Variants in AP3S1 observed in about 807,000 individuals in gnomAD.
AP3S1 encodes the protein AP-3 complex subunit sigma-1.
A neutral mutation model predicts 21.3 loss-of-function variants in AP3S1; 12 were observed. The observed-to-expected ratio is 0.56, with a 90% confidence interval of 0.36 to 0.91. AP3S1 has a LOEUF of 0.91. Ranked by LOEUF, AP3S1 falls within the 40% of genes least tolerant of loss-of-function variation. AP3S1 has a pLI of 0.01. For synonymous variants in AP3S1, 48 were observed against 78.4 expected, an observed-to-expected ratio of 0.61 and a Z score of 2.05; for missense variants, 116 against 225.0, an observed-to-expected ratio of 0.52 and a Z score of 3.10.
intron 4 of AP3S1, among the ~76,000 whole-genome samples, 187 bp downstream of exon 4, chr5:115,895,345 C>A (rs1272815511): frequency 6.6e-6 from 1 of 151,972 alleles, no homozygotes; most frequent in Non-Finnish European, 1.5e-5. Context: ...TAGAGGAGTT[C>A]ACATCGAAGG....
In AP3S1 at chr5:115,858,411, G is replaced by A. The variant is rs528107715; in HGVS notation, c.70-8259G>A. On this transcript the variant is annotated intron_variant, in intron 1 of 5. Coordinates refer to ENST00000316788, the MANE Select transcript of AP3S1 (RefSeq NM_001284.4). Reference sequence around the variant, plus strand: ...GCAGTTCTGATTACTTACCTTTGATGTGTGATCATTTATACCTTCCAAAAA... The same window carrying A: ...GCAGTTCTGATTACTTACCTTTGATATGTGATCATTTATACCTTCCAAAAA... Among the ~76,000 whole-genome samples, 129 of 152,218 alleles carry A rather than the reference G, an allele frequency of 8.5e-4. 2 individuals carry two copies. The highest frequency in any genetic ancestry group is 3.0e-3 in the African/African-American group (124 of 41,536).
chr5:115,873,054 G>A (rs1399053214), intron 3 of AP3S1, among the ~76,000 whole-genome samples: 1 of 152,154 alleles, frequency 6.6e-6, no homozygotes, highest in Non-Finnish European at 1.5e-5. Flanking sequence ...GAAGAGAAAT[G>A]TTGCTATTAA....
intron 1 of AP3S1, among the ~76,000 whole-genome samples, chr5:115,863,499 G>A (rs1401710964): frequency 6.6e-6 from 1 of 152,126 alleles, no homozygotes; most frequent in East Asian, 1.9e-4. Context: ...CTTGAACCCT[G>A]GAGGTGGGTT....
At chr5:115,885,323 T>C (rs1749685361) in intron 3 of AP3S1, among the ~76,000 whole-genome samples, 1 of 152,108 alleles carries the variant, frequency 6.6e-6, no homozygotes, top group Non-Finnish European at 1.5e-5. Flanking sequence ...AGTGGCTCAG[T>C]CCGAGTCCAA....
intron 3 of AP3S1, among the ~76,000 whole-genome samples, chr5:115,891,619 A>C (rs958155687): frequency 4.6e-5 from 7 of 152,152 alleles, no homozygotes; most frequent in Non-Finnish European, 8.8e-5. Context: ...GAGAACCTCT[A>C]CTAGGGCAGT....
At chr5:115,885,515 A>G (rs958248829) in intron 3 of AP3S1, among the ~76,000 whole-genome samples, 2 of 152,204 alleles carry the variant, frequency 1.3e-5, no homozygotes, top group African/African-American at 2.4e-5. Flanking sequence ...TGAAAGCCAG[A>G]AGACTCAGCA....
intron 3 of AP3S1, among the ~76,000 whole-genome samples, chr5:115,880,677 T>C (rs1343583490): frequency 1.2e-4 from 18 of 152,176 alleles, no homozygotes; most frequent in Non-Finnish European, 2.9e-5. Context: ...GTATATTCTG[T>C]TGATTTGGGG....
chr5:115,868,947 A>AGGGAGGGAGGGAGGGAGGG (rs1747960222), intron 2 of AP3S1, among the ~76,000 whole-genome samples: 2 of 52,902 alleles, frequency 3.8e-5, no homozygotes, highest in Non-Finnish European at 3.5e-5. Flanking sequence ...GGAAGGAAGG[A>AGGGAGGGAGGGAGGGAGGG]AGGAAGGGAG....
At chr5:115,880,084 G>C (rs1447986831) in intron 3 of AP3S1, among the ~76,000 whole-genome samples, 1 of 151,732 alleles carries the variant, frequency 6.6e-6, no homozygotes, top group African/African-American at 2.4e-5. Flanking sequence ...GTGTCTATTT[G>C]ATTACCCTTT....
Position 115,845,836 on chromosome 5 carries a change from C to CAAAAAAAAAA in AP3S1, c.69+3759_69+3768dup, listed in dbSNP as rs755171274. Among the ~76,000 whole-genome samples the CAAAAAAAAAA allele has an allele frequency of 8.4e-4, 29 of 34,452 alleles. 4 individuals are homozygous for CAAAAAAAAAA. Among genetic ancestry groups the CAAAAAAAAAA allele is most frequent in the Admixed American group, 1.5e-3 (3 of 1,966 alleles). The allele number at this position is 34,452 out of a possible 152,430, so 22.6% of individuals were successfully genotyped here. On this transcript the variant is annotated intron_variant, in intron 1 of 5. Transcript: ENST00000316788. ...TGGGTGACAGAGTGAGACTCCATCTCAAAAAAAAAAAAAAAAAAAAAAAAA... is the reference window on the plus strand; with the variant it reads ...TGGGTGACAGAGTGAGACTCCATCTCAAAAAAAAAAAAAAAAAAAAAAAAAAAAAAAAAAA...
At chr5:115,853,982 T>G (rs1382236226) in intron 1 of AP3S1, among the ~76,000 whole-genome samples, 2 of 152,166 alleles carry the variant, frequency 1.3e-5, no homozygotes, top group Admixed American at 1.3e-4. Context: ...TGAACAGAAA[T>G]TTATTTGGTT....
chr5:115,880,879 T>A (rs1466971945), intron 3 of AP3S1, among the ~76,000 whole-genome samples: 1 of 152,202 alleles, frequency 6.6e-6, no homozygotes, highest in Non-Finnish European at 1.5e-5. Context: ...ATCTGGGTGC[T>A]CCTGTGTTGG....
intron 3 of AP3S1, among the ~76,000 whole-genome samples, chr5:115,876,776 A>G (rs1419479002): frequency 1.3e-5 from 2 of 152,008 alleles, no homozygotes; most frequent in Admixed American, 6.6e-5. Context: ...ATATTCCCCA[A>G]TTTGGGTTTG....
At chr5:115,897,154 A>G (rs1156454753) in intron 4 of AP3S1, among the ~76,000 whole-genome samples, 1 of 152,232 alleles carries the variant, frequency 6.6e-6, no homozygotes, top group Non-Finnish European at 1.5e-5. Context: ...ATTTTAGAAT[A>G]TGTATAGTAC....
chr5:115,889,822 A>G (rs1750129030), intron 3 of AP3S1, among the ~76,000 whole-genome samples: 1 of 152,166 alleles, frequency 6.6e-6, no homozygotes. Flanking sequence ...AAAAAAAATG[A>G]TAAAAAGACC....
chr5:115,859,751 A>G (rs1039938871), intron 1 of AP3S1, among the ~76,000 whole-genome samples: 1 of 152,206 alleles, frequency 6.6e-6, no homozygotes, highest in African/African-American at 2.4e-5. Flanking sequence ...CTCTATTATC[A>G]TTATCTTTAG....
At chr5:115,842,318 CG>C (rs1761649625) in intron 1 of AP3S1, among the ~76,000 whole-genome samples, 1 of 152,166 alleles carries the variant, frequency 6.6e-6, no homozygotes. Context: ...TGGCTTTGCC[CG>C]GGCGGTTCCT....
chr5:115,897,622 C>T (rs1481720770), intron 4 of AP3S1, among the ~76,000 whole-genome samples: 6 of 150,844 alleles, frequency 4.0e-5, no homozygotes, highest in Admixed American at 3.3e-4. Flanking sequence ...AGTGTAGTGG[C>T]GATCTCGGCT....
At chr5:115,876,756 A>G (rs1748750643) in intron 3 of AP3S1, among the ~76,000 whole-genome samples, 1 of 152,054 alleles carries the variant, frequency 6.6e-6, no homozygotes, top group African/African-American at 2.4e-5. Flanking sequence ...AGTACTAGCC[A>G]GTTATTTTGA....
Sources: gnomAD v4.1 joint callset for allele counts (sites outside exome capture counted in the v4.1 genomes callset) on GRCh38, gnomAD v4.1.1 for gene constraint, MANE v1.5 for transcripts, NCBI Gene and HGNC (gene_info 2026-07-23, HGNC 2026-07-21) for gene names.